FAM13A: variants seen among roughly 807,000 people sequenced by gnomAD.
FAM13A encodes the protein family with sequence similarity 13 member A.
Under a neutral mutation model 129.6 loss-of-function variants are expected in FAM13A, and 76 were observed. That is an observed-to-expected ratio of 0.59 (90% confidence interval 0.49 to 0.71). The LOEUF (loss-of-function observed/expected upper bound fraction) is 0.71, where lower values mean the gene tolerates loss of function less well. Among genes scored for constraint, FAM13A ranks in the 30% least tolerant of loss-of-function variants. The pLI, the probability that FAM13A is intolerant of heterozygous loss-of-function variation, is 0.00. For synonymous variants in FAM13A, 443 were observed against 449.9 expected, an observed-to-expected ratio of 0.98 and a Z score of 0.20; for missense variants, 1,108 against 1,249.3, an observed-to-expected ratio of 0.89 and a Z score of 1.70.
chr4:88,974,583 T>A (rs1760645112), intron 4 of FAM13A, among the ~76,000 whole-genome samples: 1 of 152,104 alleles, frequency 6.6e-6, no homozygotes, highest in African/African-American at 2.4e-5. Context: ...GTTCATGCAA[T>A]TCTCTGCCTC....
intron 11 of FAM13A, among the ~76,000 whole-genome samples, chr4:88,775,509 G>C (rs1399280164): frequency 6.6e-6 from 1 of 152,056 alleles, no homozygotes; most frequent in Non-Finnish European, 1.5e-5. Flanking sequence ...TGTGAGACCA[G>C]CCTGGCCTCA....
chr4:88,728,367 T>C lies in FAM13A; in HGVS notation c.*166A>G, dbSNP rs957557064. The C allele has an allele frequency of 2.2e-5, 17 of 766,976 alleles. No homozygotes were observed. The highest frequency in any genetic ancestry group is 3.3e-5 in the Non-Finnish European group (16 of 483,276). The allele number at this position is 766,976 out of a possible 1,614,324, so 47.5% of individuals were successfully genotyped here. On this transcript the variant is annotated 3_prime_UTR_variant, in exon 24 of 24. Transcript: ENST00000264344. ...GTCACATTGTCTTCTTCCAGCCAGT[T>C]TCTAAGGCAGGCAATGGAAACAGGA...
At chr4:88,887,134 C>T (rs984192511) in intron 6 of FAM13A, among the ~76,000 whole-genome samples, 2 of 151,876 alleles carry the variant, frequency 1.3e-5, no homozygotes, top group African/African-American at 4.8e-5. Flanking sequence ...AACGGACTTT[C>T]GGGACTTGGG....
At chr4:88,972,906 C>T (rs947504596) in intron 4 of FAM13A, among the ~76,000 whole-genome samples, 1 of 152,104 alleles carries the variant, frequency 6.6e-6, no homozygotes, top group Non-Finnish European at 1.5e-5. Flanking sequence ...CCGTGCCTGG[C>T]CTCCTTCACT....
chr4:88,856,765 G>C (rs972625294), intron 6 of FAM13A, among the ~76,000 whole-genome samples: 2 of 152,148 alleles, frequency 1.3e-5, no homozygotes, highest in Admixed American at 1.3e-4. Context: ...TCCTCCACCT[G>C]TCACTTGTAT....
chr4:89,052,611 A>C (rs577669149), intron 1 of FAM13A, among the ~76,000 whole-genome samples: 32 of 151,982 alleles, frequency 2.1e-4, no homozygotes, highest in African/African-American at 7.2e-4. Context: ...CCTTTGGGGT[A>C]ATTCTTCCGT....
intron 7 of FAM13A, among the ~76,000 whole-genome samples, chr4:88,806,612 T>G (rs1728615508): frequency 6.6e-6 from 1 of 152,202 alleles, no homozygotes; most frequent in African/African-American, 2.4e-5. Context: ...ATTTCAACAC[T>G]GATCAGCTGT....
intron 4 of FAM13A, among the ~76,000 whole-genome samples, chr4:88,940,157 T>C (rs955569442): frequency 2.0e-5 from 3 of 152,128 alleles, no homozygotes; most frequent in Admixed American, 2.0e-4. Flanking sequence ...ATATCTAAAA[T>C]GTGGAAGTGG....
At chr4:88,921,553 A>T (rs1260889433) in intron 5 of FAM13A, among the ~76,000 whole-genome samples, 1 of 152,244 alleles carries the variant, frequency 6.6e-6, no homozygotes, top group Non-Finnish European at 1.5e-5. Context: ...TGAAGGAAGC[A>T]CTAAACATGG....
At chr4:89,013,385 T>A (rs574320811) in intron 3 of FAM13A, among the ~76,000 whole-genome samples, 32 of 151,644 alleles carry the variant, frequency 2.1e-4, no homozygotes, top group Non-Finnish European at 4.0e-4. Context: ...CTATCTTCTA[T>A]CTGAATTATG....
intron 21 of FAM13A, chr4:88,736,400 T>C (rs1005151022): frequency 3.3e-5 from 5 of 152,178 alleles, no homozygotes; most frequent in African/African-American, 1.2e-4. Context: ...TTGGTTTCCC[T>C]CAGTAGACAA....
At chr4:88,748,866 T>C in intron 17 of FAM13A, 86 bp downstream of exon 17, 2 of 933,682 alleles carry the variant, frequency 2.1e-6, no homozygotes, top group South Asian at 2.6e-5. Context: ...GGGAATGCCT[T>C]AGCAGTGGCA....
intron 1 of FAM13A, among the ~76,000 whole-genome samples, chr4:89,047,299 T>C (rs1441342843): frequency 6.6e-6 from 1 of 152,140 alleles, no homozygotes; most frequent in Non-Finnish European, 1.5e-5. Flanking sequence ...TCTTGAATAA[T>C]GCTTATTTTC....
chr4:88,741,508 T>C (rs1023938284), intron 19 of FAM13A, among the ~76,000 whole-genome samples: 3 of 152,220 alleles, frequency 2.0e-5, no homozygotes, highest in African/African-American at 4.8e-5. Flanking sequence ...GAAGGGAACA[T>C]GAGCAAGGCT....
At chr4:88,797,134 A>T (rs945369425) in intron 8 of FAM13A, among the ~76,000 whole-genome samples, 1 of 151,956 alleles carries the variant, frequency 6.6e-6, no homozygotes, top group Non-Finnish European at 1.5e-5. Flanking sequence ...ATTTTTTTTT[A>T]AATTTATCTC....
chr4:88,852,324 G>C (rs987077970), intron 6 of FAM13A, among the ~76,000 whole-genome samples: 5 of 151,942 alleles, frequency 3.3e-5, no homozygotes, highest in African/African-American at 1.2e-4. Context: ...AACAAGTCAG[G>C]GTAATTTTTG....
chr4:88,978,276 G>GT (rs2148975502), intron 4 of FAM13A, among the ~76,000 whole-genome samples: 1 of 152,300 alleles, frequency 6.6e-6, no homozygotes, highest in African/African-American at 2.4e-5. Context: ...CTACACTTCA[G>GT]TTTTTTAATC....
At chr4:89,029,904 G>T in intron 1 of FAM13A, 1 of 452,626 alleles carries the variant, frequency 2.2e-6, no homozygotes, top group Non-Finnish European at 3.9e-6. Context: ...ATACACTGCC[G>T]TATCTAAGAT....
chr4:88,749,649 C>G lies in FAM13A; in HGVS notation c.2079+122G>C, dbSNP rs1369801407. The G allele has an allele frequency of 1.2e-5, 12 of 992,024 alleles. No individual in the cohort carries two copies. In the East Asian group the frequency reaches 1.2e-4, roughly 10 times the overall value. The allele number at this position is 992,024 out of a possible 1,614,324, so 61.5% of individuals were successfully genotyped here. A position where few individuals can be genotyped will look rare whatever the true frequency, so the allele number is the denominator to read the frequency against. On this transcript the variant is annotated intron_variant, in intron 16 of 23. Coordinates refer to ENST00000264344, the MANE Select transcript of FAM13A (RefSeq NM_014883.4). ...GGGTGTACTATCCAGGGTTTACTGC[C>G]TTTTTGTTGTAAGATTCCCTAGAAG...
Sources: gnomAD v4.1 joint callset for allele counts (sites outside exome capture counted in the v4.1 genomes callset) on GRCh38, gnomAD v4.1.1 for gene constraint, MANE v1.5 for transcripts, NCBI Gene and HGNC (gene_info 2026-07-23, HGNC 2026-07-21) for gene names.